POLR1E: variants seen among roughly 807,000 people sequenced by gnomAD.
POLR1E encodes the protein RNA polymerase I subunit E, also known as DNA-directed RNA polymerase I subunit RPA49.
A neutral mutation model predicts 50.9 loss-of-function variants in POLR1E; 37 were observed. The observed-to-expected ratio is 0.73, with a 90% CI of 0.56 to 0.96. The LOEUF (loss-of-function observed/expected upper bound fraction) is 0.96, where lower values mean the gene tolerates loss of function less well. POLR1E is among the 40% of genes least tolerant of loss of function. The probability of loss-of-function intolerance (pLI) is 0.00; values close to 1 mark genes in which losing one functional copy is unlikely to be tolerated. For missense variants in POLR1E, 426 were observed against 518.1 expected (o/e 0.82, Z 1.73); for synonymous variants, 166 against 191.6 (o/e 0.87, Z 1.10).
intron 8 of POLR1E, among the ~76,000 whole-genome samples, chr9:37,496,380 A>G (rs1820785367): frequency 6.6e-6 from 1 of 152,184 alleles, no homozygotes; most frequent in African/African-American, 2.4e-5. Flanking sequence ...CTTTTCTAAC[A>G]TTAAATTTAT....
intron 8 of POLR1E, among the ~76,000 whole-genome samples, chr9:37,497,235 A>T (rs1006602856): frequency 1.3e-5 from 2 of 152,184 alleles, no homozygotes; most frequent in Non-Finnish European, 2.9e-5. Flanking sequence ...CATGCCTGTA[A>T]TCCCAGCTAC....
At chr9:37,500,421 G>A (rs924789554) in intron 9 of POLR1E, among the ~76,000 whole-genome samples, 1 of 152,002 alleles carries the variant, frequency 6.6e-6, no homozygotes, top group Non-Finnish European at 1.5e-5. Context: ...CTGACCTCAG[G>A]TGTTCTGCCT....
intron 8 of POLR1E, among the ~76,000 whole-genome samples, chr9:37,497,127 G>A (rs960292840): frequency 6.6e-6 from 1 of 152,102 alleles, no homozygotes; most frequent in Admixed American, 6.6e-5. Context: ...AGACTGAGTC[G>A]GGCAGATCAC....
chr9:37,499,045 C>T (rs190295881), intron 9 of POLR1E, among the ~76,000 whole-genome samples: 38 of 152,294 alleles, frequency 2.5e-4, no homozygotes, highest in African/African-American at 9.1e-4. Flanking sequence ...TGTTACTATA[C>T]TGAATATTAT....
At chr9:37,502,330 A>C (rs1477056247) in intron 11 of POLR1E, among the ~76,000 whole-genome samples, 1 of 152,216 alleles carries the variant, frequency 6.6e-6, no homozygotes, top group Non-Finnish European at 1.5e-5. Flanking sequence ...TCACAATCAG[A>C]TGGAAGGGTT....
At chr9:37,489,630 GTGGTGTGATAT>G (rs1296315906) in intron 4 of POLR1E, among the ~76,000 whole-genome samples, 3 of 152,052 alleles carry the variant, frequency 2.0e-5, no homozygotes, top group African/African-American at 7.3e-5. Context: ...CTAGAGTGCA[GTGGTGTGATAT>G]TGGCTCGCTG....
At chr9:37,490,267 A>G (rs1262444954) in intron 4 of POLR1E, among the ~76,000 whole-genome samples, 2 of 152,238 alleles carry the variant, frequency 1.3e-5, no homozygotes, top group African/African-American at 4.8e-5. Flanking sequence ...AGCAAGAAAT[A>G]CATTAAATTT....
In POLR1E at chr9:37,501,856, A is replaced by G; in HGVS notation, c.1100+12A>G. 1 of 1,609,362 alleles carries G rather than the reference A, an allele frequency of 6.2e-7. No homozygotes were observed. Among genetic ancestry groups the G allele is most frequent in the Non-Finnish European group, 8.5e-7 (1 of 1,178,780 alleles). Reference sequence around the variant, plus strand: ...CTCAGTGAGAAAAGGTGAGCACAACAGAATAAAGAGCTCCCTGCAGGGTGT... The same window carrying G: ...CTCAGTGAGAAAAGGTGAGCACAACGGAATAAAGAGCTCCCTGCAGGGTGT... On this transcript the variant is annotated intron_variant, in intron 11 of 11. Coordinates refer to ENST00000377798, the MANE Select transcript of POLR1E (RefSeq NM_022490.4).
At chr9:37,490,337 C>A in intron 4 of POLR1E, 3 of 495,808 alleles carry the variant, frequency 6.1e-6, no homozygotes, top group Non-Finnish European at 3.6e-6. Flanking sequence ...TTAAATATTT[C>A]TTTGGGGGAG....
At chr9:37,492,153 T>C (rs1820697355) in intron 4 of POLR1E, 6 of 734,452 alleles carry the variant, frequency 8.2e-6, no homozygotes, top group Admixed American at 3.6e-5. Context: ...ATGGCTGAGA[T>C]AACAGGCAAG....
At chr9:37,497,124 G>A (rs909873878) in intron 8 of POLR1E, among the ~76,000 whole-genome samples, 1 of 152,206 alleles carries the variant, frequency 6.6e-6, no homozygotes, top group Non-Finnish European at 1.5e-5. Flanking sequence ...GGGAGACTGA[G>A]TCGGGCAGAT....
intron 1 of POLR1E, 200 bp from the exon 2 acceptor site, chr9:37,486,503 C>T (rs1820578316): frequency 1.3e-6 from 2 of 1,554,818 alleles, no homozygotes; most frequent in Non-Finnish European, 1.7e-6. Flanking sequence ...ACAGCCCCTC[C>T]CCAGGGTTCT....
In POLR1E at chr9:37,488,075, T is replaced by C. The variant is rs922867344; in HGVS notation, c.257+136T>C. On this transcript the variant is annotated intron_variant, in intron 3 of 11. Transcript: ENST00000377798. ...GTTTACTAGGTGATCCCTGTGTTCCTATTAGACCCAGAGCCCTTCCCTGCA... is the reference window on the plus strand; with the variant it reads ...GTTTACTAGGTGATCCCTGTGTTCCCATTAGACCCAGAGCCCTTCCCTGCA... The C allele has an allele frequency of 2.7e-4, 212 of 783,384 alleles. 1 individual carries two copies. Among genetic ancestry groups the C allele is most frequent in the Non-Finnish European group, 3.0e-4 (145 of 486,780 alleles). 48.5% of individuals were successfully genotyped at this position (783,384 alleles called of 1,614,324 possible).
At chr9:37,489,729 A>G (rs540626639) in intron 4 of POLR1E, among the ~76,000 whole-genome samples, 6 of 151,992 alleles carry the variant, frequency 3.9e-5, no homozygotes, top group Non-Finnish European at 8.8e-5. Context: ...GCACATCACC[A>G]CACCCGGCTA....
chr9:37,492,637 GT>G lies in POLR1E; in HGVS notation c.344-15del. The G allele has an allele frequency of 1.2e-6, 2 of 1,612,550 alleles. No homozygotes were observed. The highest frequency in any genetic ancestry group is 1.7e-6 in the Non-Finnish European group (2 of 1,178,788). ...TCCCAATTGACTTTTCTTTCTCTCT[GT>G]TTTTGTGTGTTTTGATAGATGTATC... On this transcript the variant is annotated intron_variant, in intron 4 of 11. Coordinates refer to ENST00000377798, the MANE Select transcript of POLR1E (RefSeq NM_022490.4).
intron 6 of POLR1E, 113 bp from the exon 7 acceptor site, chr9:37,495,056 A>T (rs572010084): frequency 1.1e-6 from 1 of 878,554 alleles, no homozygotes; most frequent in African/African-American, 1.7e-5. Flanking sequence ...TGGCAGAAGC[A>T]TTTAGACTTG....
chr9:37,498,028 A>G (rs1820814580), intron 8 of POLR1E, 63 bp from the exon 9 acceptor site: 1 of 1,555,464 alleles, frequency 6.4e-7, no homozygotes, highest in Non-Finnish European at 8.7e-7. Context: ...GTAAGAGGGA[A>G]GTAGTTCCTG....
At chr9:37,486,603 C>T in intron 1 of POLR1E, 100 bp from the exon 2 acceptor site, 1 of 1,613,848 alleles carries the variant, frequency 6.2e-7, no homozygotes, top group African/African-American at 1.3e-5. Context: ...CATCCCCATT[C>T]TGACACTCCC....
In POLR1E at chr9:37,487,321, G is replaced by A. The variant is rs146358740; in HGVS notation, c.180+515G>A. On this transcript the variant is annotated intron_variant, in intron 2 of 11. Coordinates refer to ENST00000377798, the MANE Select transcript of POLR1E (RefSeq NM_022490.4). Reference sequence around the variant, plus strand: ...CAGGGCAGAGTGAGCTCAGTGGGAGGAGAGGTCTCTGCCAGAATGCCTTCC... The same window carrying A: ...CAGGGCAGAGTGAGCTCAGTGGGAGAAGAGGTCTCTGCCAGAATGCCTTCC... Among the ~76,000 whole-genome samples, 306 of 152,336 alleles carry A rather than the reference G, an allele frequency of 2.0e-3. 1 individual carries two copies. The highest frequency in any genetic ancestry group is 6.9e-3 in the Admixed American group (105 of 15,300).
Sources: allele counts gnomAD v4.1 joint callset (sites outside exome capture counted in the v4.1 genomes callset), GRCh38; gene constraint gnomAD v4.1.1; transcripts MANE v1.5; gene names NCBI Gene and HGNC (gene_info 2026-07-23, HGNC 2026-07-21).